ZC3H7A: variants seen among roughly 807,000 people sequenced by gnomAD.
ZC3H7A encodes zinc finger CCCH domain-containing protein 7A.
ZC3H7A carries 44 observed loss-of-function variants against 125.5 expected under a neutral mutation model. That is an observed-to-expected ratio of 0.35 (90% CI 0.28 to 0.45). ZC3H7A has a LOEUF of 0.45. ZC3H7A is among the 20% of genes least tolerant of loss of function. The pLI, the probability that ZC3H7A is intolerant of heterozygous loss-of-function variation, is 1.00. For synonymous variants in ZC3H7A, 399 were observed against 391.2 expected, an observed-to-expected ratio of 1.02 and a Z score of -0.23; for missense variants, 977 against 1,170.7, an observed-to-expected ratio of 0.83 and a Z score of 2.41.
At chr16:11,764,074 G>A (rs1022473343) in intron 15 of ZC3H7A, among the ~76,000 whole-genome samples, 31 of 151,966 alleles carry the variant, frequency 2.0e-4, no homozygotes, top group African/African-American at 5.8e-4. Context: ...GATTATAGGC[G>A]TGAGCCATGG....
intron 7 of ZC3H7A, 149 bp from the exon 8 acceptor site, chr16:11,775,162 G>T: frequency 1.4e-6 from 1 of 739,402 alleles, no homozygotes; most frequent in East Asian, 2.7e-5. Flanking sequence ...CACGAGGTCA[G>T]GAGTTTGAGA....
At chr16:11,762,649 A>T in intron 17 of ZC3H7A, 22 bp downstream of exon 17, 1 of 1,612,580 alleles carries the variant, frequency 6.2e-7, no homozygotes, top group Non-Finnish European at 8.5e-7. Flanking sequence ...CCAAATGCAG[A>T]AAGTACACAA....
chr16:11,760,682 A>C (rs890495218), intron 19 of ZC3H7A, among the ~76,000 whole-genome samples: 1 of 152,188 alleles, frequency 6.6e-6, no homozygotes, highest in Non-Finnish European at 1.5e-5. Flanking sequence ...TAGATGCTCC[A>C]AGTGTCCCTG....
intron 1 of ZC3H7A, among the ~76,000 whole-genome samples, chr16:11,795,366 C>T (rs2053420018): frequency 6.6e-6 from 1 of 152,252 alleles, no homozygotes; most frequent in Non-Finnish European, 1.5e-5. Context: ...CAGCTGCGCG[C>T]TGTCCAGTCG....
intron 19 of ZC3H7A, among the ~76,000 whole-genome samples, chr16:11,760,764 G>A (rs1480848246): frequency 2.6e-5 from 4 of 152,204 alleles, no homozygotes; most frequent in Non-Finnish European, 5.9e-5. Context: ...GAAAGTCCAG[G>A]ACAACTCAAG....
Position 11,774,280 on chromosome 16 carries a change from C to G in ZC3H7A, c.859G>C (p.Asp287His). Residue 287 changes from aspartate to histidine, a missense_variant, in exon 9 of 23, where the codon GAT becomes CAT. Around this residue, in one of 3 missense-constraint regions of ZC3H7A, gnomAD observed 342 missense variants for 311.3 expected, o/e 1.10. Coordinates refer to ENST00000355758, the MANE Select transcript of ZC3H7A (RefSeq NM_014153.4). ...DGDMVLGDEL[D>H]DLLDSAPETN... Reference sequence around the variant, plus strand: ...TCAGGTGCAGAATCAAGCAGGTCATCTAGTTCATCTCCAAGGACCATATCT... The same window carrying G: ...TCAGGTGCAGAATCAAGCAGGTCATGTAGTTCATCTCCAAGGACCATATCT... 1 of 1,611,962 alleles carries G rather than the reference C, an allele frequency of 6.2e-7. No homozygotes were observed. The highest frequency in any genetic ancestry group is 8.5e-7 in the Non-Finnish European group (1 of 1,178,606).
rs772127168 is a variant in ZC3H7A at position 11,765,441 on chromosome 16, G to A, written c.1719+48C>T. ...TCACATGGCAGGACAATACCACTGG[G>A]CTTGCAAATTCAACTTTACAGTGGA... is the stretch of plus-strand genomic sequence containing the variant. On this transcript the variant is annotated intron_variant, in intron 14 of 22. Transcript: ENST00000355758. This position sits in a 1 kb window ranked among gnomAD's most constrained non-coding sequence, Gnocchi z 4.8. 2.0e-6 allele frequency: 3 copies of A among 1,477,818 alleles called. No individual in the cohort carries two copies. Among genetic ancestry groups the A allele is most frequent in the Non-Finnish European group, 2.8e-6 (3 of 1,076,628 alleles). 91.5% of individuals were successfully genotyped at this position (1,477,818 alleles called of 1,614,324 possible). A position where few individuals can be genotyped will look rare whatever the true frequency, so the allele number is the denominator to read the frequency against.
In ZC3H7A at chr16:11,758,495, T is replaced by G; in HGVS notation, c.2364A>C (p.Gly788=). 6.2e-7 allele frequency: 1 copy of G among 1,613,932 alleles called. No homozygotes were observed. Among genetic ancestry groups the G allele is most frequent in the Non-Finnish European group, 8.5e-7 (1 of 1,179,838 alleles). ...IASGKKCQYV[G]NCSFAHSPEE... Reference sequence around the variant, plus strand: ...CAGGACTATGAGCAAAGGAACAGTTTCCAACATATTGACATTTTTTCCCAG... The same window carrying G: ...CAGGACTATGAGCAAAGGAACAGTTGCCAACATATTGACATTTTTTCCCAG... Residue 788 remains glycine, a synonymous_variant, in exon 20 of 23, where the codon GGA becomes GGC. Transcript: ENST00000355758.
At chr16:11,756,905 C>G (rs990714759) in intron 20 of ZC3H7A, among the ~76,000 whole-genome samples, 1 of 152,196 alleles carries the variant, frequency 6.6e-6, no homozygotes, top group African/African-American at 2.4e-5. Flanking sequence ...CTGCAACTGA[C>G]AAGACAACCA....
Position 11,765,600 on chromosome 16 carries a change from C to T in ZC3H7A, c.1608G>A (p.Glu536=). The T allele has an allele frequency of 6.2e-7, 1 of 1,614,200 alleles. No individual in the cohort carries two copies. Among genetic ancestry groups the T allele is most frequent in the East Asian group, 2.2e-5 (1 of 44,886 alleles). Residue 536 remains glutamate (E), a synonymous_variant, in exon 14 of 23, where the codon GAG becomes GAA. Transcript: ENST00000355758. This position sits in a 1 kb window ranked among gnomAD's most constrained non-coding sequence, Gnocchi z 4.8. The part of the protein sequence containing the change: ...CQEEIDVWTL[E]RKGAFSREAF... ...CCTCCCGGCTGAATGCTCCTTTCCGCTCCAGTGTCCACACATCTATCTCCT... is the reference window on the plus strand; with the variant it reads ...CCTCCCGGCTGAATGCTCCTTTCCGTTCCAGTGTCCACACATCTATCTCCT...
Position 11,752,764 on chromosome 16 carries a change from G to A in ZC3H7A, c.2631C>T (p.Ser877=). 1 of 1,614,196 alleles carries A rather than the reference G, an allele frequency of 6.2e-7. No individual in the cohort carries two copies. Among genetic ancestry groups the A allele is most frequent in the Non-Finnish European group, 8.5e-7 (1 of 1,180,030 alleles). ...AAACCTTCTCTTTGTGCTTCTCGGA[G>A]GAGATGTGGCCCTGCCACTGCTTCT... ...NSEKQWQGHI[S]SEKHKEKVFH... The change falls in exon 22 of 23, where the codon TCC becomes TCT. Residue 877 remains serine (S), a synonymous_variant. Coordinates refer to ENST00000355758, the MANE Select transcript of ZC3H7A (RefSeq NM_014153.4).
chr16:11,790,539 T>C (rs1340172963), intron 1 of ZC3H7A, among the ~76,000 whole-genome samples: 1 of 152,132 alleles, frequency 6.6e-6, no homozygotes, highest in African/African-American at 2.4e-5. Context: ...GTTGTCGTCG[T>C]CGTTATTATT....
At chr16:11,762,589 A>G (rs1005064700) in intron 17 of ZC3H7A, 82 bp downstream of exon 17, 33 of 1,281,222 alleles carry the variant, frequency 2.6e-5, no homozygotes, top group Non-Finnish European at 3.5e-5. Flanking sequence ...TGTAAGTGTT[A>G]ACTGCATCCA....
chr16:11,782,410 A>T, intron 1 of ZC3H7A, 22 bp from the exon 2 acceptor site: 1 of 1,604,170 alleles, frequency 6.2e-7, no homozygotes, highest in Non-Finnish European at 8.5e-7. Context: ...CAAGGCAAAA[A>T]AGCACATAAG....
chr16:11,788,255 T>G (rs2053289367), intron 1 of ZC3H7A, among the ~76,000 whole-genome samples: 1 of 151,808 alleles, frequency 6.6e-6, no homozygotes, highest in African/African-American at 2.4e-5. Flanking sequence ...AGGCTCCATC[T>G]CCACAGACCT....
At position 11,777,980 on chromosome 16, in the gene ZC3H7A, T is replaced by C. The variant is rs144140123; in HGVS notation, c.307-1071A>G. On this transcript the variant is annotated intron_variant, in intron 4 of 22. Transcript: ENST00000355758. ...GTTACGGTGAGCCAAGATTGTGCCA[T>C]TGCACTCCAGCCTGGGCAACAAGAG... 6.6e-3 allele frequency among the ~76,000 whole-genome samples: 969 copies of C among 145,864 alleles called. 10 individuals are homozygous for C. The highest frequency in any genetic ancestry group is 9.8e-3 in the Non-Finnish European group (654 of 66,766).
rs1304942012 is a variant in ZC3H7A at position 11,767,554 on chromosome 16, T to C, written c.1385A>G (p.Tyr462Cys). Reference sequence around the variant, plus strand: ...ACACTTATGATCTATGTTAGCATGGTAAGTGAAATCCATTAACTTAGGGCC... The same window carrying C: ...ACACTTATGATCTATGTTAGCATGGCAAGTGAAATCCATTAACTTAGGGCC... ...KSGPKLMDFTYHANIDHKCKK... is the reference protein window; with the variant it reads ...KSGPKLMDFTCHANIDHKCKK... The change falls in exon 13 of 23, where the codon TAC becomes TGC. Residue 462 changes from tyrosine (Y) to cysteine (C), a missense_variant. Coordinates refer to ENST00000355758, the MANE Select transcript of ZC3H7A (RefSeq NM_014153.4). 6.3e-7 allele frequency: 1 copy of C among 1,595,608 alleles called. No homozygotes were observed. The highest frequency in any genetic ancestry group is 8.5e-7 in the Non-Finnish European group (1 of 1,172,330).
Position 11,763,672 on chromosome 16 carries a change from C to A in ZC3H7A, c.1821-13G>T. ...GTGGACAAGGCACCTAAGATGAAAACAGTGACATTTTAATATTGTTCTGCC... is the reference window on the plus strand; with the variant it reads ...GTGGACAAGGCACCTAAGATGAAAAAAGTGACATTTTAATATTGTTCTGCC... On this transcript the variant is annotated splice_polypyrimidine_tract_variant and intron_variant, in intron 15 of 22. Transcript: ENST00000355758. The A allele has an allele frequency of 6.9e-7, 1 of 1,452,826 alleles. No individual in the cohort carries two copies. The allele number at this position is 1,452,826 out of a possible 1,614,324, so 90.0% of individuals were successfully genotyped here.
chr16:11,754,847 ACAT>A (rs1477444665), intron 21 of ZC3H7A, among the ~76,000 whole-genome samples: 1 of 147,442 alleles, frequency 6.8e-6, no homozygotes, highest in African/African-American at 2.5e-5. Flanking sequence ...AGCCAAGATC[ACAT>A]CATTGCACTC....
Sources: allele counts gnomAD v4.1 joint callset (sites outside exome capture counted in the v4.1 genomes callset), GRCh38; gene constraint gnomAD v4.1.1; regional missense constraint gnomAD v4.1.1; non-coding constraint Gnocchi (gnomAD v3.1); transcripts MANE v1.5; gene names NCBI Gene and HGNC (gene_info 2026-07-23, HGNC 2026-07-21).